Variants in SLC25A40 observed in about 807,000 individuals in gnomAD.
The protein encoded by SLC25A40 is mitochondrial glutathione transporter SLC25A40.
A neutral mutation model predicts 46.5 loss-of-function variants in SLC25A40; 41 were observed. That is an observed-to-expected ratio of 0.88 (90% CI 0.69 to 1.14). The LOEUF is 1.14. Ranked by LOEUF, SLC25A40 falls within the 50% of genes most tolerant of loss-of-function variation. The pLI, the probability that SLC25A40 is intolerant of heterozygous loss-of-function variation, is 0.00. For missense variants in SLC25A40, 386 were observed against 393.6 expected (o/e 0.98, Z 0.16); for synonymous variants, 126 against 127.5 (o/e 0.99, Z 0.08).
At chr7:87,866,936 G>A (rs918469406) in intron 1 of SLC25A40, among the ~76,000 whole-genome samples, 6 of 152,238 alleles carry the variant, frequency 3.9e-5, no homozygotes, top group African/African-American at 1.4e-4. Context: ...GAGCCCAAGA[G>A]TTCTGGGCCG....
intron 3 of SLC25A40, 88 bp from the exon 4 acceptor site, chr7:87,856,439 T>C (rs1437966025): frequency 1.0e-6 from 1 of 981,294 alleles, no homozygotes; most frequent in East Asian, 2.4e-5. Context: ...CATTGATTCA[T>C]ACTTTTCCTC....
Position 87,833,847 on chromosome 7 carries a change from C to T in SLC25A40, c.*2402G>A, listed in dbSNP as rs534534710. On this transcript the variant is annotated 3_prime_UTR_variant, in exon 12 of 12. Transcript: ENST00000341119. ...CCACCCTCCACCCTTTGATAGGCCC[C>T]AGTACATGTTGTTCCAAGAGGGAAA... is the stretch of plus-strand genomic sequence containing the variant. 1 of 151,712 alleles carries T rather than the reference C, an allele frequency of 6.6e-6. No individual in the cohort carries two copies. Among genetic ancestry groups the T allele is most frequent in the South Asian group, 2.1e-4 (1 of 4,814 alleles). The allele number at this position is 151,712 out of a possible 1,614,324, so 9.4% of individuals were successfully genotyped here. A position where few individuals can be genotyped will look rare whatever the true frequency, so the allele number is the denominator to read the frequency against.
intron 10 of SLC25A40, among the ~76,000 whole-genome samples, chr7:87,840,622 G>T (rs527639446): frequency 9.2e-6 from 1 of 108,128 alleles, no homozygotes; most frequent in South Asian, 2.7e-4. Flanking sequence ...AAAGAAGAAC[G>T]AAACAAAATA....
At chr7:87,848,013 T>C (rs1181105619) in intron 6 of SLC25A40, 36 bp from the exon 7 acceptor site, 2 of 1,582,238 alleles carry the variant, frequency 1.3e-6, no homozygotes, top group Admixed American at 1.9e-5. Flanking sequence ...TTCAAAATTA[T>C]CAAAAGATCC....
chr7:87,873,417 T>C (rs1038125676), intron 1 of SLC25A40, among the ~76,000 whole-genome samples: 6 of 150,418 alleles, frequency 4.0e-5, no homozygotes, highest in African/African-American at 1.2e-4. Context: ...AATTCTAGCA[T>C]AGAAAGGTTA....
intron 1 of SLC25A40, among the ~76,000 whole-genome samples, chr7:87,874,857 T>C (rs957562029): frequency 2.0e-5 from 3 of 152,218 alleles, no homozygotes; most frequent in African/African-American, 2.4e-5. Flanking sequence ...TCTCCATCTC[T>C]TTCACTATTT....
intron 10 of SLC25A40, 21 bp downstream of exon 10, chr7:87,841,612 T>G: frequency 7.1e-7 from 1 of 1,400,216 alleles, no homozygotes; most frequent in South Asian, 1.5e-5. Context: ...CTTAAAAATA[T>G]TTTAAATTAA....
At chr7:87,849,187 T>A (rs1198314531) in intron 6 of SLC25A40, among the ~76,000 whole-genome samples, 1 of 152,088 alleles carries the variant, frequency 6.6e-6, no homozygotes, top group African/African-American at 2.4e-5. Context: ...ATGAAAAAAA[T>A]TACCATATGC....
intron 5 of SLC25A40, among the ~76,000 whole-genome samples, chr7:87,851,902 G>A (rs964468808): frequency 6.6e-6 from 1 of 152,124 alleles, no homozygotes; most frequent in Non-Finnish European, 1.5e-5. Context: ...GGCAGGAAAG[G>A]CAAAACAGAA....
intron 8 of SLC25A40, 29 bp from the exon 9 acceptor site, chr7:87,843,892 A>G: frequency 6.6e-7 from 1 of 1,508,058 alleles, no homozygotes; most frequent in Non-Finnish European, 9.1e-7. Flanking sequence ...AAATGAACAC[A>G]TATTTAGAAA....
At chr7:87,864,410 T>G (rs1257122620) in intron 1 of SLC25A40, among the ~76,000 whole-genome samples, 1 of 152,248 alleles carries the variant, frequency 6.6e-6, no homozygotes, top group African/African-American at 2.4e-5. Context: ...ATATCCACCA[T>G]GCTGATCTAT....
At chr7:87,871,088 C>A (rs1003880196) in intron 1 of SLC25A40, among the ~76,000 whole-genome samples, 1 of 152,196 alleles carries the variant, frequency 6.6e-6, no homozygotes, top group South Asian at 2.1e-4. Context: ...CAAAAGCACT[C>A]GCCCTAGCTT....
At chr7:87,853,901 T>C (rs1336727008) in intron 5 of SLC25A40, among the ~76,000 whole-genome samples, 1 of 152,224 alleles carries the variant, frequency 6.6e-6, no homozygotes, top group East Asian at 1.9e-4. Context: ...GGTGACACTA[T>C]TAGTTTTGTA....
chr7:87,835,009 TC>T lies in SLC25A40; in HGVS notation c.*1239del, dbSNP rs1838237385. On this transcript the variant is annotated 3_prime_UTR_variant, in exon 12 of 12. Coordinates refer to ENST00000341119, the MANE Select transcript of SLC25A40 (RefSeq NM_018843.4). Reference sequence around the variant, plus strand: ...CTCTACCAGCACTAAAGACTTGTCATCTAAATATATTCATTTTAGGGGAGAA... The same window carrying T: ...CTCTACCAGCACTAAAGACTTGTCATTAAATATATTCATTTTAGGGGAGAA... 1 of 151,446 alleles carries T rather than the reference TC, an allele frequency of 6.6e-6. No individual in the cohort carries two copies. The highest frequency in any genetic ancestry group is 2.4e-5 in the African/African-American group (1 of 41,372). The allele number at this position is 151,446 out of a possible 1,614,324, so 9.4% of individuals were successfully genotyped here. A position where few individuals can be genotyped will look rare whatever the true frequency, so the allele number is the denominator to read the frequency against.
chr7:87,869,435 G>C (rs1838859920), intron 1 of SLC25A40, among the ~76,000 whole-genome samples: 2 of 151,928 alleles, frequency 1.3e-5, no homozygotes, highest in Non-Finnish European at 2.9e-5. Flanking sequence ...GTGCTGAGAT[G>C]GGAGGATCAC....
At chr7:87,842,257 A>G (rs925610853) in intron 9 of SLC25A40, 1 of 152,416 alleles carries the variant, frequency 6.6e-6, no homozygotes, top group Admixed American at 6.6e-5. Flanking sequence ...TTCACAAATC[A>G]CATTTTTTCC....
intron 3 of SLC25A40, among the ~76,000 whole-genome samples, chr7:87,857,980 T>A (rs1445353098): frequency 1.3e-5 from 2 of 152,186 alleles, no homozygotes; most frequent in Non-Finnish European, 2.9e-5. Context: ...GGGGAAGGAA[T>A]GCATTCCTGG....
At chr7:87,859,229 C>T (rs373972768) in intron 2 of SLC25A40, among the ~76,000 whole-genome samples, 39 of 151,958 alleles carry the variant, frequency 2.6e-4, no homozygotes, top group Non-Finnish European at 4.4e-4. Flanking sequence ...CCGAGGCGGG[C>T]GCATCATGAG....
chr7:87,840,202 G>A (rs1211950308), intron 10 of SLC25A40, among the ~76,000 whole-genome samples: 2 of 151,680 alleles, frequency 1.3e-5, no homozygotes, highest in Non-Finnish European at 3.0e-5. Context: ...CCAGTGATAG[G>A]TAAGAGTTAA....
Sources: allele counts gnomAD v4.1 joint callset (sites outside exome capture counted in the v4.1 genomes callset), GRCh38; gene constraint gnomAD v4.1.1; transcripts MANE v1.5; gene names NCBI Gene and HGNC (gene_info 2026-07-23, HGNC 2026-07-21).